Variants in DACH2 observed in about 807,000 individuals in gnomAD.
The protein encoded by DACH2 is dachshund family transcription factor 2, also known as dachshund homolog 2.
A neutral mutation model predicts 35.8 loss-of-function variants in DACH2; 17 were observed. The observed-to-expected ratio is 0.48, with a 90% confidence interval of 0.33 to 0.71. The LOEUF (loss-of-function observed/expected upper bound fraction) is 0.71. Ranked by LOEUF, DACH2 falls within the 30% of genes least tolerant of loss-of-function variation. DACH2 has a pLI of 0.02. For missense variants in DACH2, 469 were observed against 472.7 expected, an observed-to-expected ratio of 0.99 and a Z score of 0.07; for synonymous variants, 195 against 177.3, an observed-to-expected ratio of 1.10 and a Z score of -0.79.
At chrX:86,771,721 C>T (rs1243629107) in intron 7 of DACH2, among the ~76,000 whole-genome samples, 1 of 111,747 alleles carries the variant, frequency 8.9e-6, no homozygotes, top group East Asian at 2.8e-4. Flanking sequence ...CTGCATTTTA[C>T]ATTGTTTTTA....
At chrX:86,443,514 T>A (rs907039380) in intron 2 of DACH2, among the ~76,000 whole-genome samples, 4 of 110,407 alleles carry the variant, frequency 3.6e-5, no homozygotes, top group Non-Finnish European at 7.6e-5. Context: ...ATTTTTTTTT[T>A]TTTTTCTGGT....
intron 3 of DACH2, among the ~76,000 whole-genome samples, chrX:86,612,088 A>G (rs900750580): frequency 9.3e-6 from 1 of 107,493 alleles, no homozygotes; most frequent in Non-Finnish European, 1.9e-5. Flanking sequence ...GCCAGGACAG[A>G]GTCCTTCCCT....
chrX:86,778,338 A>G (rs1445893097), intron 7 of DACH2, among the ~76,000 whole-genome samples: 1 of 111,096 alleles, frequency 9.0e-6, no homozygotes, highest in Non-Finnish European at 1.9e-5. Flanking sequence ...TAGCCCTTCT[A>G]ACTGGGGTGA....
At chrX:86,395,633 C>T (rs371832624) in intron 2 of DACH2, among the ~76,000 whole-genome samples, 41 of 110,626 alleles carry the variant, frequency 3.7e-4, no homozygotes, top group East Asian at 3.2e-3. Context: ...TGAGAACATG[C>T]GGTGTTTGGT....
At chrX:86,488,767 A>G (rs925564210) in intron 2 of DACH2, among the ~76,000 whole-genome samples, 1 of 111,766 alleles carries the variant, frequency 8.9e-6, no homozygotes, top group East Asian at 2.8e-4. Flanking sequence ...CTTTAGAAGT[A>G]TTTAACAGGG....
At chrX:86,471,047 T>C (rs1329212673) in intron 2 of DACH2, among the ~76,000 whole-genome samples, 4 of 111,687 alleles carry the variant, frequency 3.6e-5, no homozygotes, top group East Asian at 2.8e-4. Flanking sequence ...ATTGAACATA[T>C]ATATTTTCTT....
chrX:86,659,715 T>G (rs2040584192), intron 4 of DACH2, among the ~76,000 whole-genome samples: 1 of 112,008 alleles, frequency 8.9e-6, no homozygotes, highest in African/African-American at 3.2e-5. Context: ...GCTACAGTTT[T>G]GTGTGGTTCA....
intron 3 of DACH2, among the ~76,000 whole-genome samples, chrX:86,574,538 A>C (rs182839618): frequency 2.7e-4 from 30 of 111,717 alleles, no homozygotes; most frequent in African/African-American, 9.1e-4. Context: ...GATTTTCAGT[A>C]TGTGGCTTCT....
At chrX:86,643,535 A>G (rs1369342640) in intron 3 of DACH2, among the ~76,000 whole-genome samples, 1 of 111,446 alleles carries the variant, frequency 9.0e-6, no homozygotes, top group Non-Finnish European at 1.9e-5. Context: ...CAGATGTACA[A>G]AGAAGAGCTC....
At chrX:86,465,255 C>T (rs1397092124) in intron 2 of DACH2, among the ~76,000 whole-genome samples, 2 of 112,006 alleles carry the variant, frequency 1.8e-5, no homozygotes, top group South Asian at 3.7e-4. Context: ...AAAAAACAGA[C>T]GAGTTACTTT....
At chrX:86,425,143 G>T (rs761034203) in intron 2 of DACH2, among the ~76,000 whole-genome samples, 26 of 110,426 alleles carry the variant, frequency 2.4e-4, no homozygotes, top group Admixed American at 1.6e-3. Context: ...CTCTTTTTTT[G>T]TGTGTGTGTC....
intron 2 of DACH2, among the ~76,000 whole-genome samples, chrX:86,383,355 A>T (rs1462068133): frequency 9.2e-6 from 1 of 108,293 alleles, no homozygotes; most frequent in Non-Finnish European, 1.9e-5. Flanking sequence ...GGCCTTTATC[A>T]CCTGCATTAT....
intron 1 of DACH2, among the ~76,000 whole-genome samples, chrX:86,361,913 A>G (rs1370150636): frequency 9.0e-6 from 1 of 111,306 alleles, no homozygotes; most frequent in African/African-American, 3.2e-5. Context: ...GAGACCTCCA[A>G]ACTCATTTAA....
At chrX:86,413,629 C>T (rs1006192562) in intron 2 of DACH2, among the ~76,000 whole-genome samples, 1 of 111,494 alleles carries the variant, frequency 9.0e-6, no homozygotes, top group Admixed American at 9.5e-5. Context: ...GCAGTCCCTC[C>T]TTGGATGCTA....
chrX:86,659,426 C>T (rs1236263789), intron 4 of DACH2, among the ~76,000 whole-genome samples: 1 of 110,566 alleles, frequency 9.0e-6, no homozygotes, highest in Non-Finnish European at 1.9e-5. Context: ...TGTATGAAGC[C>T]ACCTCAGAGT....
chrX:86,160,553 C>T lies in DACH2; in HGVS notation c.488+11445C>T, dbSNP rs2030717378. On this transcript the variant is annotated intron_variant, in intron 1 of 11. Transcript: ENST00000373125. ...GTGGCAATCCAGTACAGGAGTATAG[C>T]CAGCACTGATTTGGCCTGGATGGTT... 10 of 516,573 alleles carry T rather than the reference C, an allele frequency of 1.9e-5. No individual in the cohort carries two copies. The South Asian group carries it at 2.6e-4, about 13-fold the overall frequency. The allele number at this position is 516,573 out of a possible 1,213,427, so 42.6% of individuals were successfully genotyped here.
At chrX:86,599,934 G>A (rs749176474) in intron 3 of DACH2, among the ~76,000 whole-genome samples, 2 of 111,813 alleles carry the variant, frequency 1.8e-5, no homozygotes, top group East Asian at 5.7e-4. Flanking sequence ...CATATGACAT[G>A]TGGTTTGGTG....
intron 3 of DACH2, among the ~76,000 whole-genome samples, chrX:86,584,104 T>C (rs1441606465): frequency 9.0e-6 from 1 of 111,424 alleles, no homozygotes; most frequent in Non-Finnish European, 1.9e-5. Context: ...GAATTCAATT[T>C]CTTTGTTTCA....
Position 86,278,025 on chromosome X carries a change from G to A in DACH2, c.489-98799G>A, listed in dbSNP as rs1488333398. On this transcript the variant is annotated intron_variant, in intron 1 of 11. Transcript: ENST00000373125. ...AACAACTGGAGACAGCCAGCTCAGT[G>A]GTTAGACCGAGAAGATGCTCCAAAG... Among the ~76,000 whole-genome samples the A allele has an allele frequency of 4.5e-5, 5 of 111,831 alleles. No homozygotes were observed. The Admixed American group carries it at 4.8e-4, about 11-fold the overall frequency.
Sources: allele counts gnomAD v4.1 joint callset (sites outside exome capture counted in the v4.1 genomes callset), GRCh38; gene constraint gnomAD v4.1.1; transcripts MANE v1.5; gene names NCBI Gene and HGNC (gene_info 2026-07-23, HGNC 2026-07-21).